Variants in MED27 observed in about 807,000 individuals in gnomAD.
The protein encoded by MED27 is mediator of RNA polymerase II transcription subunit 27.
MED27 carries 30 observed loss-of-function variants against 38.2 expected under a neutral mutation model. That is an observed-to-expected ratio of 0.79 (90% CI 0.59 to 1.07). The LOEUF (loss-of-function observed/expected upper bound fraction) is 1.07. Ranked by LOEUF, MED27 falls within the 50% of genes least tolerant of loss-of-function variation. The pLI is 0.00. For missense variants in MED27, 289 were observed against 397.5 expected, an observed-to-expected ratio of 0.73 and a Z score of 2.32; for synonymous variants, 122 against 153.5, an observed-to-expected ratio of 0.79 and a Z score of 1.52.
At chr9:131,901,264 C>T (rs1013683614) in intron 4 of MED27, among the ~76,000 whole-genome samples, 3 of 152,184 alleles carry the variant, frequency 2.0e-5, no homozygotes, top group African/African-American at 7.2e-5. Context: ...GTGCAGTGAA[C>T]AATGTCTTGT....
intron 6 of MED27, among the ~76,000 whole-genome samples, chr9:131,863,527 C>T (rs999434305): frequency 4.6e-5 from 7 of 152,202 alleles, no homozygotes; most frequent in Non-Finnish European, 8.8e-5. Context: ...CACTTCCGCC[C>T]GGTACGCACA....
intron 2 of MED27, among the ~76,000 whole-genome samples, chr9:132,070,863 C>T (rs909679174): frequency 2.0e-5 from 3 of 151,882 alleles, no homozygotes; most frequent in African/African-American, 7.3e-5. Flanking sequence ...AACTGCCCCC[C>T]ACACACTAAT....
At chr9:131,886,045 A>G (rs1839135050) in intron 5 of MED27, among the ~76,000 whole-genome samples, 1 of 152,196 alleles carries the variant, frequency 6.6e-6, no homozygotes, top group Admixed American at 6.5e-5. Flanking sequence ...TTGGACAGGA[A>G]AAGTCCTTTA....
At chr9:131,893,734 C>T (rs1198202339) in intron 5 of MED27, 151 bp downstream of exon 5, 35 of 590,374 alleles carry the variant, frequency 5.9e-5, no homozygotes, top group South Asian at 4.9e-4. Context: ...AATGTTTTTT[C>T]ACAAAGTGTG....
Position 132,079,845 on chromosome 9 carries a change from G to C in MED27, c.-1C>G, listed in dbSNP as rs895800031. ...CACTGACATTTATCACGTCCGCCAT[G>C]TTGCCGCCGCCACAGCAGCTCTCCA... On this transcript the variant is annotated 5_prime_UTR_variant, in exon 1 of 8. Coordinates refer to ENST00000292035, the MANE Select transcript of MED27 (RefSeq NM_004269.4). 6.3e-7 allele frequency: 1 copy of C among 1,577,438 alleles called. No homozygotes were observed. Among genetic ancestry groups the C allele is most frequent in the East Asian group, 2.3e-5 (1 of 42,922 alleles).
chr9:131,916,411 C>T (rs114896798), intron 4 of MED27, among the ~76,000 whole-genome samples: 5,005 of 152,242 alleles, frequency 0.033, 290 homozygotes, highest in African/African-American at 0.11. Context: ...AATAACTCTT[C>T]GAAACAAAGC....
rs552364000 is a variant in MED27 at position 131,939,763 on chromosome 9, T to C, written c.480-289A>G. ...GCTGGGCCACTGGACTCCAACAACA[T>C]GGCCCCCTCCCTTTGTCCTTCCAGT... is the stretch of plus-strand genomic sequence containing the variant. On this transcript the variant is annotated intron_variant, in intron 3 of 7. Coordinates refer to ENST00000292035, the MANE Select transcript of MED27 (RefSeq NM_004269.4). 2.0e-5 allele frequency among the ~76,000 whole-genome samples: 3 copies of C among 152,298 alleles called. No individual in the cohort carries two copies. In the South Asian group the frequency reaches 6.2e-4, roughly 32 times the overall value.
At chr9:131,991,280 A>C (rs140166860) in intron 3 of MED27, among the ~76,000 whole-genome samples, 22 of 152,370 alleles carry the variant, frequency 1.4e-4, no homozygotes, top group African/African-American at 5.1e-4. Context: ...ACTTAATTTT[A>C]AAGCAGAGTT....
At chr9:132,076,324 T>A (rs1021056061) in intron 2 of MED27, among the ~76,000 whole-genome samples, 2 of 152,138 alleles carry the variant, frequency 1.3e-5, no homozygotes, top group African/African-American at 4.8e-5. Context: ...GTCCAGAGTT[T>A]TGGGGAAAGG....
rs146111315 is a variant in MED27, at chr9:131,976,055, C to T, written c.480-36581G>A. ...GGGGTGTGAGGTAGGCAGTTTTCCA[C>T]GAAGGGCTGTAAGGGCACAGAGAGA... On this transcript the variant is annotated intron_variant, in intron 3 of 7. Transcript: ENST00000292035. Among the ~76,000 whole-genome samples the T allele has an allele frequency of 7.9e-5, 12 of 152,216 alleles. No homozygotes were observed. The South Asian group carries it at 1.0e-3, about 13-fold the overall frequency.
At chr9:131,976,324 C>T (rs1001474327) in intron 3 of MED27, among the ~76,000 whole-genome samples, 3 of 152,200 alleles carry the variant, frequency 2.0e-5, no homozygotes, top group East Asian at 1.9e-4. Context: ...TCAAAGCATA[C>T]CCCAGCAAAA....
intron 3 of MED27, among the ~76,000 whole-genome samples, chr9:132,000,123 C>T (rs1429230873): frequency 7.4e-6 from 1 of 135,646 alleles, no homozygotes; most frequent in African/African-American, 2.9e-5. Flanking sequence ...AGTAAAATCA[C>T]TTTTGATCAA....
chr9:131,984,544 C>T (rs1009667610), intron 3 of MED27, among the ~76,000 whole-genome samples: 1 of 152,160 alleles, frequency 6.6e-6, no homozygotes, highest in African/African-American at 2.4e-5. Context: ...CATAAGAGAA[C>T]AGCGGAACAG....
chr9:132,057,628 G>A (rs926514936), intron 2 of MED27, among the ~76,000 whole-genome samples: 12 of 152,204 alleles, frequency 7.9e-5, no homozygotes, highest in African/African-American at 2.4e-4. Flanking sequence ...AAGCCAATGC[G>A]ATGGCAATTA....
At chr9:131,948,283 G>A (rs1018180017) in intron 3 of MED27, among the ~76,000 whole-genome samples, 6 of 151,906 alleles carry the variant, frequency 3.9e-5, no homozygotes, top group East Asian at 1.9e-4. Flanking sequence ...TCAGGAGTTC[G>A]AGACCAACAT....
intron 3 of MED27, among the ~76,000 whole-genome samples, chr9:132,008,570 A>G (rs1318744909): frequency 2.0e-5 from 3 of 152,254 alleles, no homozygotes; most frequent in Non-Finnish European, 4.4e-5. Flanking sequence ...GATATGAATC[A>G]TTAATCCCAT....
In MED27 at chr9:132,024,718, G is replaced by A. The variant is rs529564031; in HGVS notation, c.349-10251C>T. Among the ~76,000 whole-genome samples, 28 of 152,268 alleles carry A rather than the reference G, an allele frequency of 1.8e-4. 1 individual carries two copies. Among genetic ancestry groups the A allele is most frequent in the African/African-American group, 6.3e-4 (26 of 41,550 alleles). On this transcript the variant is annotated intron_variant, in intron 2 of 7. Transcript: ENST00000292035. ...ACCTCTTGGCATCATCAAATCCTAA[G>A]GACAATCGTCTAAGGCCTGCAGAAA...
chr9:132,041,200 G>C (rs1833202380), intron 2 of MED27, among the ~76,000 whole-genome samples: 2 of 152,254 alleles, frequency 1.3e-5, no homozygotes, highest in Non-Finnish European at 2.9e-5. Flanking sequence ...TGGGCTGTGA[G>C]GGAGACGACA....
chr9:132,040,501 A>C lies in MED27; in HGVS notation c.349-26034T>G, dbSNP rs559405195. ...ACGAGAGACTGCCCGTACAAATGTC[A>C]CGAGAAAGCTATAAATAGGGCTTTA... On this transcript the variant is annotated intron_variant, in intron 2 of 7. Transcript: ENST00000292035. 2.6e-5 allele frequency among the ~76,000 whole-genome samples: 4 copies of C among 152,330 alleles called. No homozygotes were observed. In the East Asian group the frequency reaches 5.8e-4, roughly 22 times the overall value.
Sources: allele counts gnomAD v4.1 joint callset (sites outside exome capture counted in the v4.1 genomes callset), GRCh38; gene constraint gnomAD v4.1.1; transcripts MANE v1.5; gene names NCBI Gene and HGNC (gene_info 2026-07-23, HGNC 2026-07-21).